TNFRSF8: variants seen among roughly 807,000 people sequenced by gnomAD.
TNFRSF8 encodes TNF receptor superfamily member 8, also known as tumor necrosis factor receptor superfamily member 8.
TNFRSF8 carries 26 observed loss-of-function variants against 70.8 expected under a neutral mutation model. The ratio of observed to expected loss-of-function variants is 0.37; its 90% confidence interval spans 0.27 to 0.51. The LOEUF (loss-of-function observed/expected upper bound fraction) is 0.51. TNFRSF8 is among the 20% of genes least tolerant of loss of function. The probability of loss-of-function intolerance (pLI) is 0.94; values close to 1 mark genes in which losing one functional copy is unlikely to be tolerated. For missense variants in TNFRSF8, 720 were observed against 807.9 expected, an observed-to-expected ratio of 0.89 and a Z score of 1.32; for synonymous variants, 356 against 339.2, an observed-to-expected ratio of 1.05 and a Z score of -0.54.
rs113079760 is a variant in TNFRSF8, at chr1:12,109,280, G to A, written c.422-286G>A. Among the ~76,000 whole-genome samples the A allele has an allele frequency of 2.1e-3, 318 of 152,306 alleles. 1 individual carries two copies. The highest frequency in any genetic ancestry group is 4.6e-3 in the African/African-American group (190 of 41,552). Reference sequence around the variant, plus strand: ...CTCATCGTGGCCAGAGGAATGCAACGGATTGATTGGTCCAGCCTGGTCTCA... The same window carrying A: ...CTCATCGTGGCCAGAGGAATGCAACAGATTGATTGGTCCAGCCTGGTCTCA... On this transcript the variant is annotated intron_variant, in intron 4 of 14. Coordinates refer to ENST00000263932, the MANE Select transcript of TNFRSF8 (RefSeq NM_001243.5). The surrounding 1 kb of genome is among the most constrained non-coding windows in gnomAD (Gnocchi z 4.4).
chr1:12,112,087 C>A lies in TNFRSF8; in HGVS notation c.793+73C>A. ...TTGAACCGTGAACTTCCAGTAACTA[C>A]TCCCCCTTATGTTTGTGGGTTTTTG... is the stretch of plus-strand genomic sequence containing the variant. On this transcript the variant is annotated intron_variant, in intron 7 of 14. Coordinates refer to ENST00000263932, the MANE Select transcript of TNFRSF8 (RefSeq NM_001243.5). The surrounding 1 kb of genome is among the most constrained non-coding windows in gnomAD (Gnocchi z 5.3). 1 of 1,113,362 alleles carries A rather than the reference C, an allele frequency of 9.0e-7. No homozygotes were observed. Among genetic ancestry groups the A allele is most frequent in the Non-Finnish European group, 1.3e-6 (1 of 743,278 alleles). The allele number at this position is 1,113,362 out of a possible 1,614,324, so 69.0% of individuals were successfully genotyped here. A position where few individuals can be genotyped will look rare whatever the true frequency, so the allele number is the denominator to read the frequency against.
At chr1:12,124,200 G>A (rs750246218) in intron 10 of TNFRSF8, among the ~76,000 whole-genome samples, 2 of 151,948 alleles carry the variant, frequency 1.3e-5, no homozygotes, top group Admixed American at 1.3e-4. Context: ...GTAGAGACGG[G>A]GTTTTGCCAT....
At chr1:12,124,502 G>A (rs1012950831) in intron 10 of TNFRSF8, among the ~76,000 whole-genome samples, 1 of 152,200 alleles carries the variant, frequency 6.6e-6, no homozygotes, top group African/African-American at 2.4e-5. Context: ...GTTATAAGCA[G>A]TGTAGCATTG....
Position 12,115,827 on chromosome 1 carries a change from C to T in TNFRSF8, c.946+98C>T, listed in dbSNP as rs1641719578. 36 of 1,373,892 alleles carry T rather than the reference C, an allele frequency of 2.6e-5. No homozygotes were observed. In the South Asian group the frequency reaches 4.7e-4, roughly 18 times the overall value. 85.1% of individuals were successfully genotyped at this position (1,373,892 alleles called of 1,614,324 possible). A position where few individuals can be genotyped will look rare whatever the true frequency, so the allele number is the denominator to read the frequency against. ...AACAGCCAGGGGTGGAGGCAAATGA[C>T]CTACACCCTCGGCTGTTCATTAGGT... is the stretch of plus-strand genomic sequence containing the variant. On this transcript the variant is annotated intron_variant, in intron 8 of 14. Transcript: ENST00000263932.
chr1:12,087,834 T>G (rs1641181071), intron 2 of TNFRSF8, among the ~76,000 whole-genome samples: 1 of 152,058 alleles, frequency 6.6e-6, no homozygotes. Context: ...AGCTGTGACT[T>G]AGGAAGAGGG....
intron 8 of TNFRSF8, 60 bp from the exon 9 acceptor site, chr1:12,123,224 C>CT (rs1251839674): frequency 3.4e-6 from 5 of 1,476,102 alleles, no homozygotes; most frequent in Non-Finnish European, 2.8e-6. Flanking sequence ...CTGGTTAACT[C>CT]TTTCCTGGAG....
rs1173163474 is a variant in TNFRSF8 at position 12,109,099 on chromosome 1, G to A, written c.422-467G>A. The stretch of plus-strand genomic sequence containing the variant: ...CTATTTCCCTCTCTGTTGGTTCATC[G>A]GCAAGATACTTACAAGCAGCTCTGC... On this transcript the variant is annotated intron_variant, in intron 4 of 14. Transcript: ENST00000263932. The surrounding 1 kb of genome is among the most constrained non-coding windows in gnomAD (Gnocchi z 4.4). Among the ~76,000 whole-genome samples the A allele has an allele frequency of 1.3e-5, 2 of 152,114 alleles. No homozygotes were observed. The highest frequency in any genetic ancestry group is 2.9e-5 in the Non-Finnish European group (2 of 68,020).
intron 3 of TNFRSF8, among the ~76,000 whole-genome samples, chr1:12,099,661 G>A (rs537617124): frequency 2.0e-5 from 3 of 151,698 alleles, no homozygotes; most frequent in East Asian, 3.9e-4. Flanking sequence ...TCTGACAAAC[G>A]TGTCATTAGG....
intron 2 of TNFRSF8, among the ~76,000 whole-genome samples, chr1:12,084,839 G>A (rs1051410112): frequency 6.6e-6 from 1 of 152,102 alleles, no homozygotes; most frequent in African/African-American, 2.4e-5. Flanking sequence ...CCATGAGTCC[G>A]AGACCTTTAT....
At chr1:12,081,432 C>T (rs553507767) in intron 1 of TNFRSF8, among the ~76,000 whole-genome samples, 92 of 151,684 alleles carry the variant, frequency 6.1e-4, no homozygotes, top group African/African-American at 2.0e-3. Flanking sequence ...AGGAGCACTT[C>T]GGGTGTCCTG....
chr1:12,090,639 T>C (rs2100977230), intron 2 of TNFRSF8, among the ~76,000 whole-genome samples: 1 of 152,152 alleles, frequency 6.6e-6, no homozygotes, highest in South Asian at 2.1e-4. Context: ...CATTCATTGA[T>C]TCACCCAATA....
chr1:12,073,280 C>A (rs1466163639), intron 1 of TNFRSF8, among the ~76,000 whole-genome samples: 2 of 152,090 alleles, frequency 1.3e-5, no homozygotes, highest in African/African-American at 4.8e-5. Flanking sequence ...AACAAACAGA[C>A]AAACAAAAAG....
At chr1:12,131,650 C>T (rs1473714055) in intron 12 of TNFRSF8, among the ~76,000 whole-genome samples, 5 of 152,048 alleles carry the variant, frequency 3.3e-5, no homozygotes, top group South Asian at 2.1e-4. Context: ...CACACCACCA[C>T]GCCCAGCTAA....
At position 12,142,407 on chromosome 1, in the gene TNFRSF8, A is replaced by G. The variant is rs1341380600; in HGVS notation, c.1664A>G (p.Asp555Gly). The G allele has an allele frequency of 1.9e-6, 3 of 1,612,566 alleles. No homozygotes were observed. The highest frequency in any genetic ancestry group is 2.5e-6 in the Non-Finnish European group (3 of 1,179,598). ...EPELEEELEA[D>G]HTPHYPEQET... ...GAGTTGGAGGAGGAGCTGGAGGCGG[A>G]CCATACCCCCCACTACCCCGAGCAG... Residue 555 changes from aspartate (D) to glycine (G), a missense_variant, in exon 15 of 15, where the codon GAC (aspartate) becomes GGC (glycine). Physicochemically the swap from Asp to Gly is moderately conservative, Grantham distance 94. Coordinates refer to ENST00000263932, the MANE Select transcript of TNFRSF8 (RefSeq NM_001243.5). This position sits in a 1 kb window ranked among gnomAD's most constrained non-coding sequence, Gnocchi z 5.0.
At chr1:12,128,715 G>C (rs1201124) in intron 12 of TNFRSF8, among the ~76,000 whole-genome samples, 107,263 of 151,976 alleles carry the variant, frequency 0.71, 38,165 homozygotes, top group Admixed American at 0.79. Flanking sequence ...ATAGGACGTT[G>C]TACAGCCCCT....
Position 12,125,926 on chromosome 1 carries a change from A to G in TNFRSF8, c.1154-25A>G, listed in dbSNP as rs373467649. On this transcript the variant is annotated intron_variant, in intron 10 of 14. Coordinates refer to ENST00000263932, the MANE Select transcript of TNFRSF8 (RefSeq NM_001243.5). ...CTTGTGTGGTTGCAGCAAGGCAAAG[A>G]GTGTGGGGCGTCTCTGTGTTCCAGG... 3.2e-5 allele frequency: 51 copies of G among 1,596,586 alleles called. No homozygotes were observed. In the African/African-American group the frequency reaches 6.3e-4, roughly 20 times the overall value.
At chr1:12,133,326 C>CTTTTTT (rs35850962) in intron 12 of TNFRSF8, among the ~76,000 whole-genome samples, 1 of 147,384 alleles carries the variant, frequency 6.8e-6, no homozygotes, top group Non-Finnish European at 1.5e-5. Context: ...CTTTGTCACA[C>CTTTTTT]TTTTTTTTTT....
intron 1 of TNFRSF8, among the ~76,000 whole-genome samples, chr1:12,068,811 T>A (rs1640786072): frequency 6.6e-6 from 1 of 152,160 alleles, no homozygotes; most frequent in African/African-American, 2.4e-5. Context: ...GCTCACACCA[T>A]CCTGGGTTAG....
rs1371854985 is a variant in TNFRSF8 at position 12,108,647 on chromosome 1, C to T, written c.422-919C>T. Among the ~76,000 whole-genome samples, 1 of 152,042 alleles carries T rather than the reference C, an allele frequency of 6.6e-6. No individual in the cohort carries two copies. The highest frequency in any genetic ancestry group is 1.5e-5 in the Non-Finnish European group (1 of 68,004). On this transcript the variant is annotated intron_variant, in intron 4 of 14. Coordinates refer to ENST00000263932, the MANE Select transcript of TNFRSF8 (RefSeq NM_001243.5). This position sits in a 1 kb window ranked among gnomAD's most constrained non-coding sequence, Gnocchi z 4.0. ...ACCAGCCTGGCCAACATGGCGAAAC[C>T]CTGTCTCTACTAAAAATTAGCCGGG...
Sources: gnomAD v4.1 joint callset for allele counts (sites outside exome capture counted in the v4.1 genomes callset) on GRCh38, gnomAD v4.1.1 for gene constraint, Gnocchi (gnomAD v3.1) non-coding constraint, MANE v1.5 for transcripts, NCBI Gene and HGNC (gene_info 2026-07-23, HGNC 2026-07-21) for gene names.